PRKG1: variants seen among roughly 807,000 people sequenced by gnomAD.
PRKG1 encodes protein kinase cGMP-dependent 1.
PRKG1 carries 35 observed loss-of-function variants against 88.1 expected under a neutral mutation model. The ratio of observed to expected loss-of-function variants is 0.40; its 90% CI spans 0.30 to 0.53. The LOEUF (loss-of-function observed/expected upper bound fraction) is 0.53, where lower values mean the gene tolerates loss of function less well. PRKG1 is among the 20% of genes least tolerant of loss of function. The pLI, the probability that PRKG1 is intolerant of heterozygous loss-of-function variation, is 0.59. For missense variants in PRKG1, 540 were observed against 839.8 expected (o/e 0.64, Z 4.41); for synonymous variants, 303 against 292.5 (o/e 1.04, Z -0.37).
chr10:51,255,568 C>A (rs1839536422), intron 2 of PRKG1, among the ~76,000 whole-genome samples: 1 of 152,108 alleles, frequency 6.6e-6, no homozygotes, highest in African/African-American at 2.4e-5. Flanking sequence ...CTCTACAAAG[C>A]ATTGCTTTTT....
At position 51,679,812 on chromosome 10, in the gene PRKG1, C is replaced by T. The variant is rs142535320; in HGVS notation, c.593-124773C>T. The stretch of plus-strand genomic sequence containing the variant: ...TATGTATTCATGTGCCATGCTGATG[C>T]GCTGCACCCACTAACGTGTCATCTA... On this transcript the variant is annotated intron_variant, in intron 3 of 17. Transcript: ENST00000373980. Among the ~76,000 whole-genome samples the T allele has an allele frequency of 3.8e-3, 552 of 144,248 alleles. 16 individuals carry two copies. The East Asian group carries it at 0.062, about 16-fold the overall frequency. 94.6% of individuals were successfully genotyped at this position (144,248 alleles called of 152,430 possible).
chr10:51,739,016 T>C (rs1837364550), intron 3 of PRKG1, among the ~76,000 whole-genome samples: 1 of 152,196 alleles, frequency 6.6e-6, no homozygotes, highest in Non-Finnish European at 1.5e-5. Flanking sequence ...AAGGGCCATG[T>C]TACTTGTTTA....
chr10:51,635,998 T>C (rs1686209261), intron 3 of PRKG1, among the ~76,000 whole-genome samples: 1 of 152,194 alleles, frequency 6.6e-6, no homozygotes, highest in Non-Finnish European at 1.5e-5. Flanking sequence ...TTGGTTGAAG[T>C]AAATAAATCA....
intron 3 of PRKG1, among the ~76,000 whole-genome samples, chr10:51,549,334 C>A (rs186345408): frequency 6.6e-6 from 1 of 151,192 alleles, no homozygotes; most frequent in African/African-American, 2.4e-5. Context: ...CCATGTTAGC[C>A]GGGATGGTCT....
intron 3 of PRKG1, among the ~76,000 whole-genome samples, chr10:51,601,043 G>C (rs1405567395): frequency 6.6e-6 from 1 of 151,784 alleles, no homozygotes; most frequent in Non-Finnish European, 1.5e-5. Flanking sequence ...AGGAAAGAAG[G>C]AGGGAAAGCA....
chr10:51,253,501 TAA>T (rs1240861797), intron 2 of PRKG1, among the ~76,000 whole-genome samples: 1 of 151,942 alleles, frequency 6.6e-6, no homozygotes, highest in African/African-American at 2.4e-5. Flanking sequence ...ATTTTGAGAT[TAA>T]AGAGTTTTAT....
chr10:51,280,807 C>T lies in PRKG1; in HGVS notation c.478+127477C>T, dbSNP rs543328770. Reference sequence around the variant, plus strand: ...GTTTTTAGCTTCTTTGCGATGGGTTCGAACTTCCTCCTTTAGCTCAGAGAA... The same window carrying T: ...GTTTTTAGCTTCTTTGCGATGGGTTTGAACTTCCTCCTTTAGCTCAGAGAA... On this transcript the variant is annotated intron_variant, in intron 2 of 17. Transcript: ENST00000373980. Among the ~76,000 whole-genome samples the T allele has an allele frequency of 7.2e-5, 11 of 152,272 alleles. No homozygotes were observed. In the South Asian group the frequency reaches 1.4e-3, roughly 20 times the overall value.
intron 1 of PRKG1, among the ~76,000 whole-genome samples, chr10:51,150,908 C>T (rs17513956): frequency 0.039 from 5,860 of 151,840 alleles, 139 homozygotes; most frequent in South Asian, 0.079. Context: ...GGGGAGAAAG[C>T]GACTTCAATC....
chr10:51,803,263 G>A (rs188396386), intron 3 of PRKG1, among the ~76,000 whole-genome samples: 2 of 152,222 alleles, frequency 1.3e-5, no homozygotes, highest in East Asian at 3.9e-4. Flanking sequence ...TTAGAATGGA[G>A]CCAGGCACAC....
chr10:52,051,857 T>C (rs2133249484), intron 5 of PRKG1, among the ~76,000 whole-genome samples: 1 of 152,164 alleles, frequency 6.6e-6, no homozygotes, highest in East Asian at 1.9e-4. Context: ...AGTTTATCAA[T>C]CAGATGAGTC....
chr10:51,466,596 C>T (rs1456637526), intron 2 of PRKG1, among the ~76,000 whole-genome samples: 1 of 151,946 alleles, frequency 6.6e-6, no homozygotes, highest in Non-Finnish European at 1.5e-5. Context: ...AAGATTTTAT[C>T]TCCATAGTAT....
At chr10:52,075,349 A>G (rs530757882) in intron 7 of PRKG1, among the ~76,000 whole-genome samples, 4 of 152,338 alleles carry the variant, frequency 2.6e-5, no homozygotes, top group African/African-American at 4.8e-5. Context: ...CGCAATCCCA[A>G]TCAAAATGTT....
chr10:51,298,511 A>C (rs1840782641), intron 2 of PRKG1, among the ~76,000 whole-genome samples: 1 of 152,228 alleles, frequency 6.6e-6, no homozygotes, highest in South Asian at 2.1e-4. Flanking sequence ...GAAAGCACTC[A>C]GCATAGTAAA....
chr10:52,076,799 A>G (rs1333881034), intron 7 of PRKG1, among the ~76,000 whole-genome samples: 1 of 152,202 alleles, frequency 6.6e-6, no homozygotes, highest in Non-Finnish European at 1.5e-5. Context: ...TTCACCATGA[A>G]GAGAAACTAA....
intron 7 of PRKG1, among the ~76,000 whole-genome samples, chr10:52,070,485 G>C (rs765661723): frequency 6.6e-6 from 1 of 152,076 alleles, no homozygotes; most frequent in Admixed American, 6.6e-5. Context: ...AATAAATGAA[G>C]AATAAAACTC....
intron 3 of PRKG1, among the ~76,000 whole-genome samples, chr10:51,738,531 A>C (rs1387213055): frequency 6.6e-6 from 1 of 152,210 alleles, no homozygotes; most frequent in East Asian, 1.9e-4. Context: ...ACATTCAAAA[A>C]ATGTTTTGCT....
At chr10:52,171,786 A>ATTTTTTTTTTTTTTTTTTTTTTTTT (rs545195374) in intron 9 of PRKG1, among the ~76,000 whole-genome samples, 1 of 93,860 alleles carries the variant, frequency 1.1e-5, no homozygotes, top group African/African-American at 4.3e-5. Context: ...TTTTATCAAA[A>ATTTTTTTTTTTTTTTTTTTTTTTTT]TTTTTTTTTT....
In PRKG1 at chr10:50,991,521, C is replaced by T. The variant is rs1842781726; in HGVS notation, c.143C>T (p.Pro48Leu). ...CTCCACAAATGCCAGTCGGTGCTCC[C>T]AGTGCCCTCGACCCACATCGGCCCC... Residue 48 changes from proline to leucine, a missense_variant, in exon 1 of 18, where the codon CCA becomes CTA. Physicochemically the swap from Pro to Leu is moderately conservative, Grantham distance 98 (BLOSUM62 -3). Coordinates refer to the PRKG1 transcript ENST00000401604. The surrounding 1 kb of genome is among the most constrained non-coding windows in gnomAD (Gnocchi z 4.5). 2.5e-6 allele frequency: 4 copies of T among 1,611,358 alleles called. No individual in the cohort carries two copies. Among genetic ancestry groups the T allele is most frequent in the Non-Finnish European group, 3.4e-6 (4 of 1,179,026 alleles).
At chr10:51,192,913 T>C (rs1837667085) in intron 2 of PRKG1, among the ~76,000 whole-genome samples, 4 of 151,944 alleles carry the variant, frequency 2.6e-5, no homozygotes, top group Admixed American at 1.3e-4. Context: ...GAGCATTTGT[T>C]GGAAAAATCT....
Sources: gnomAD v4.1 joint callset for allele counts (sites outside exome capture counted in the v4.1 genomes callset) on GRCh38, gnomAD v4.1.1 for gene constraint, Gnocchi (gnomAD v3.1) non-coding constraint, MANE v1.5 for transcripts, NCBI Gene and HGNC (gene_info 2026-07-23, HGNC 2026-07-21) for gene names.